The following LPP variants were observed in gnomAD, a reference collection of about 807,000 sequenced individuals.
The protein encoded by LPP is LIM domain containing preferred translocation partner in lipoma, also known as lipoma-preferred partner.
In LPP, 38 loss-of-function variants were observed where a neutral mutation model predicts 60.4. That is an observed-to-expected ratio of 0.63 (90% CI 0.49 to 0.83). LPP has a LOEUF of 0.83. Among genes scored for constraint, LPP ranks in the 40% least tolerant of loss-of-function variants. The pLI, the probability that LPP is intolerant of heterozygous loss-of-function variation, is 0.00. For missense variants in LPP, 902 were observed against 783.6 expected (o/e 1.15, Z -1.80); for synonymous variants, 328 against 290.8 (o/e 1.13, Z -1.30).
At chr3:188,428,714 TA>T (rs1391304592) in intron 4 of LPP, among the ~76,000 whole-genome samples, 1 of 152,062 alleles carries the variant, frequency 6.6e-6, no homozygotes, top group Non-Finnish European at 1.5e-5. Context: ...TGAGTATTTC[TA>T]GTGCAGGAAA....
chr3:188,661,746 C>T (rs1023764026), intron 7 of LPP, among the ~76,000 whole-genome samples: 9 of 152,130 alleles, frequency 5.9e-5, no homozygotes, highest in Non-Finnish European at 1.0e-4. Flanking sequence ...TTCTCATAAA[C>T]GCTTGACAAA....
chr3:188,310,170 T>C (rs1752931729), intron 2 of LPP, among the ~76,000 whole-genome samples: 1 of 152,124 alleles, frequency 6.6e-6, no homozygotes, highest in Non-Finnish European at 1.5e-5. Flanking sequence ...AGGGGTTCTT[T>C]ATTTGTTTCT....
chr3:188,482,407 C>T (rs1805059535), intron 4 of LPP, among the ~76,000 whole-genome samples: 1 of 152,144 alleles, frequency 6.6e-6, no homozygotes, highest in African/African-American at 2.4e-5. Flanking sequence ...TGTTTTCATA[C>T]ATATGACCTT....
intron 8 of LPP, among the ~76,000 whole-genome samples, chr3:188,729,821 T>TG (rs1353600252): frequency 7.8e-6 from 1 of 127,960 alleles, no homozygotes; most frequent in Non-Finnish European, 1.8e-5. Context: ...GTACAAAAAG[T>TG]GAAAAAAAAA....
At chr3:188,457,710 A>G (rs1038072178) in intron 4 of LPP, among the ~76,000 whole-genome samples, 5 of 139,118 alleles carry the variant, frequency 3.6e-5, no homozygotes, top group Admixed American at 7.7e-5. Context: ...GGCTAACATG[A>G]TGAAACACTG....
At chr3:188,865,535 G>A (rs538948806) in intron 9 of LPP, among the ~76,000 whole-genome samples, 12 of 152,266 alleles carry the variant, frequency 7.9e-5, no homozygotes, top group African/African-American at 2.2e-4. Flanking sequence ...CTTAGTGATC[G>A]CACTATGGTC....
chr3:188,194,542 T>C (rs1007480661), intron 1 of LPP, among the ~76,000 whole-genome samples: 8 of 152,220 alleles, frequency 5.3e-5, no homozygotes, highest in Non-Finnish European at 1.0e-4. Context: ...CTCAGTGCGA[T>C]GACTCAGGGA....
At chr3:188,856,381 A>G (rs1763835753) in intron 9 of LPP, among the ~76,000 whole-genome samples, 1 of 152,190 alleles carries the variant, frequency 6.6e-6, no homozygotes, top group Non-Finnish European at 1.5e-5. Context: ...GTACTTGTGT[A>G]TATATTTTAT....
At chr3:188,644,852 A>G (rs1850814907) in intron 7 of LPP, among the ~76,000 whole-genome samples, 2 of 152,232 alleles carry the variant, frequency 1.3e-5, no homozygotes, top group Admixed American at 1.3e-4. Context: ...GGCTTGGTGC[A>G]GGGTGCAGAC....
intron 3 of LPP, among the ~76,000 whole-genome samples, chr3:188,387,082 TG>T: frequency 6.6e-6 from 1 of 152,230 alleles, no homozygotes; most frequent in African/African-American, 2.4e-5. Context: ...CTGCCTTTAA[TG>T]ACAAAGAAAT....
In LPP at chr3:188,685,576, G is replaced by A. The variant is rs538557567; in HGVS notation, c.1114-22691G>A. 1.2e-4 allele frequency among the ~76,000 whole-genome samples: 18 copies of A among 152,208 alleles called. No homozygotes were observed. In the East Asian group the frequency reaches 1.5e-3, roughly 13 times the overall value. ...CTAGGCAATTACGGGTCCGGGACCCGCATGGCAAGAATGCCTTCCATCCAC... is the reference window on the plus strand; with the variant it reads ...CTAGGCAATTACGGGTCCGGGACCCACATGGCAAGAATGCCTTCCATCCAC... On this transcript the variant is annotated intron_variant, in intron 7 of 11. Transcript: ENST00000617246.
Position 188,635,709 on chromosome 3 carries a change from G to T in LPP, c.1113+25865G>T, listed in dbSNP as rs375335040. Among the ~76,000 whole-genome samples the T allele has an allele frequency of 3.3e-5, 5 of 152,316 alleles. No homozygotes were observed. The East Asian group carries it at 7.7e-4, about 24-fold the overall frequency. On this transcript the variant is annotated intron_variant, in intron 7 of 11. Coordinates refer to ENST00000617246, the MANE Select transcript of LPP (RefSeq NM_001375462.1). ...AAATCAGAAGATGTCCTGGGGTGTG[G>T]GAGAATGATATGTTCTTTAGTCGAG...
At chr3:188,258,317 G>A (rs1468368099) in intron 2 of LPP, among the ~76,000 whole-genome samples, 1 of 152,164 alleles carries the variant, frequency 6.6e-6, no homozygotes, top group African/African-American at 2.4e-5. Flanking sequence ...AATCACTTGG[G>A]GAGGTTTTGT....
At chr3:188,359,680 C>A (rs866284991) in intron 3 of LPP, among the ~76,000 whole-genome samples, 1 of 152,132 alleles carries the variant, frequency 6.6e-6, no homozygotes, top group African/African-American at 2.4e-5. Flanking sequence ...GACAGTGAAT[C>A]CAGAGTGGCT....
At chr3:188,673,094 T>A (rs1857277525) in intron 7 of LPP, among the ~76,000 whole-genome samples, 2 of 152,136 alleles carry the variant, frequency 1.3e-5, no homozygotes, top group Non-Finnish European at 2.9e-5. Flanking sequence ...TATAAATAAC[T>A]TTCTTATCAC....
intron 5 of LPP, among the ~76,000 whole-genome samples, chr3:188,498,718 T>C (rs895017747): frequency 6.6e-6 from 1 of 152,182 alleles, no homozygotes; most frequent in African/African-American, 2.4e-5. Context: ...ATTTTTAATA[T>C]TTTGAGGAAC....
At chr3:188,491,842 C>G (rs1055332129) in intron 5 of LPP, among the ~76,000 whole-genome samples, 6 of 152,110 alleles carry the variant, frequency 3.9e-5, no homozygotes, top group Admixed American at 3.3e-4. Flanking sequence ...GACCTAGAGT[C>G]CAGGGGAGTA....
At chr3:188,579,923 G>A (rs1050715277) in intron 6 of LPP, among the ~76,000 whole-genome samples, 2 of 151,900 alleles carry the variant, frequency 1.3e-5, no homozygotes, top group Non-Finnish European at 1.5e-5. Context: ...GAGCCCAGGA[G>A]GTAGGAGGTC....
chr3:188,287,679 A>G (rs1282689976), intron 2 of LPP, among the ~76,000 whole-genome samples: 2 of 152,198 alleles, frequency 1.3e-5, no homozygotes, highest in Non-Finnish European at 2.9e-5. Context: ...TTCTTTATGT[A>G]GTAGTGATGG....
Sources: allele counts gnomAD v4.1 joint callset (sites outside exome capture counted in the v4.1 genomes callset), GRCh38; gene constraint gnomAD v4.1.1; transcripts MANE v1.5; gene names NCBI Gene and HGNC (gene_info 2026-07-23, HGNC 2026-07-21).